The following NAV3 variants were observed in gnomAD, a reference collection of about 807,000 sequenced individuals.
The protein encoded by NAV3 is neuron navigator 3, also known as pore membrane and/or filament interacting like protein 1.
Under a neutral mutation model 244.7 loss-of-function variants are expected in NAV3, and 87 were observed. The ratio of observed to expected loss-of-function variants is 0.36; its 90% CI spans 0.30 to 0.42. NAV3 has a LOEUF of 0.42. Among genes scored for constraint, NAV3 ranks in the 20% least tolerant of loss-of-function variants. The pLI, the probability that NAV3 is intolerant of heterozygous loss-of-function variation, is 1.00. For missense variants in NAV3, 2,663 were observed against 2,893.3 expected, an observed-to-expected ratio of 0.92 and a Z score of 1.83; for synonymous variants, 1,126 against 1,042.2, an observed-to-expected ratio of 1.08 and a Z score of -1.55.
chr12:77,764,598 ATTAC>A (rs553956585), intron 2 of NAV3, among the ~76,000 whole-genome samples: 33 of 152,368 alleles, frequency 2.2e-4, no homozygotes, highest in Non-Finnish European at 3.8e-4. Context: ...AATTTTCTAT[ATTAC>A]TTCATAGGAT....
intron 2 of NAV3, among the ~76,000 whole-genome samples, chr12:77,737,141 A>T (rs955143756): frequency 6.6e-6 from 1 of 150,988 alleles, no homozygotes; most frequent in African/African-American, 2.4e-5. Context: ...TTAAAAAAAA[A>T]ATCTATTAAA....
chr12:77,789,743 G>A lies in NAV3; in HGVS notation c.73-150576G>A, dbSNP rs567201889. Among the ~76,000 whole-genome samples, 8 of 149,722 alleles carry A rather than the reference G, an allele frequency of 5.3e-5. No individual in the cohort carries two copies. In the Admixed American group the frequency reaches 5.4e-4, roughly 10 times the overall value. On this transcript the variant is annotated intron_variant, in intron 2 of 8. Coordinates refer to the NAV3 transcript ENST00000550042. ...GAGAATCACTTGAACCTGGGAGGCGGACGTTGCAGTGAGCTGAGATCGTGC... is the reference window on the plus strand; with the variant it reads ...GAGAATCACTTGAACCTGGGAGGCGAACGTTGCAGTGAGCTGAGATCGTGC...
chr12:77,716,875 T>C (rs1410143253), intron 2 of NAV3, among the ~76,000 whole-genome samples: 2 of 152,058 alleles, frequency 1.3e-5, no homozygotes, highest in Non-Finnish European at 2.9e-5. Flanking sequence ...AAGCAAAAGC[T>C]GTCTGGGAAG....
intron 1 of NAV3, among the ~76,000 whole-genome samples, chr12:77,935,585 C>G (rs1889244561): frequency 2.0e-5 from 3 of 152,178 alleles, no homozygotes; most frequent in Admixed American, 2.0e-4. Context: ...CAATATTTAA[C>G]ATAGTGAAAG....
intron 2 of NAV3, among the ~76,000 whole-genome samples, chr12:77,627,892 T>G (rs1159593169): frequency 6.6e-6 from 1 of 152,182 alleles, no homozygotes; most frequent in African/African-American, 2.4e-5. Flanking sequence ...AAGGTTATTA[T>G]GTTAAGTGAA....
At chr12:78,137,402 A>T (rs2139017282) in intron 19 of NAV3, 37 bp downstream of exon 19, 1 of 1,549,276 alleles carries the variant, frequency 6.5e-7, no homozygotes, top group South Asian at 1.2e-5. Flanking sequence ...AAGTCACTTT[A>T]TTTAAACCCT....
chr12:78,209,929 C>A (rs1960727916), intron 39 of NAV3, among the ~76,000 whole-genome samples: 1 of 152,216 alleles, frequency 6.6e-6, no homozygotes, highest in Admixed American at 6.5e-5. Flanking sequence ...TGTGCAGCAG[C>A]TGGCTTCATT....
At chr12:77,930,381 T>C (rs1281334560) in intron 1 of NAV3, among the ~76,000 whole-genome samples, 1 of 152,158 alleles carries the variant, frequency 6.6e-6, no homozygotes, top group Non-Finnish European at 1.5e-5. Context: ...TCTATAGAGC[T>C]AATAATTGCC....
chr12:77,755,603 C>CCTTCCTTCCT (rs1555201809), intron 2 of NAV3, among the ~76,000 whole-genome samples: 2 of 70,410 alleles, frequency 2.8e-5, no homozygotes, highest in Non-Finnish European at 2.8e-5. Flanking sequence ...CCCTCCCTCC[C>CCTTCCTTCCT]TCCCTCCCTC....
At chr12:78,076,242 T>A (rs775909359) in intron 12 of NAV3, among the ~76,000 whole-genome samples, 4 of 152,190 alleles carry the variant, frequency 2.6e-5, no homozygotes, top group Non-Finnish European at 4.4e-5. Context: ...TGAAATCCCA[T>A]ACTCAACCTG....
intron 2 of NAV3, among the ~76,000 whole-genome samples, chr12:77,822,073 A>T (rs1380908648): frequency 1.3e-5 from 2 of 152,144 alleles, no homozygotes; most frequent in African/African-American, 4.8e-5. Context: ...TTAACATGCA[A>T]TGCCATTCCA....
chr12:77,649,930 A>G lies in NAV3; in HGVS notation c.72+77664A>G, dbSNP rs1467846154. ...GGGTTCCTTCATGAATCATTTAGCC[A>G]GAATAAGCTGAAACAGCAATCTTTT... On this transcript the variant is annotated intron_variant, in intron 2 of 8. Coordinates refer to the NAV3 transcript ENST00000550042. 5.9e-5 allele frequency among the ~76,000 whole-genome samples: 9 copies of G among 152,340 alleles called. No individual in the cohort carries two copies. In the South Asian group the frequency reaches 1.7e-3, roughly 28 times the overall value.
chr12:78,186,271 A>G (rs1958715929), intron 31 of NAV3, among the ~76,000 whole-genome samples: 1 of 152,070 alleles, frequency 6.6e-6, no homozygotes, highest in South Asian at 2.1e-4. Context: ...CTTTCTTAAA[A>G]CAACAACAAA....
intron 12 of NAV3, among the ~76,000 whole-genome samples, chr12:78,083,276 A>G (rs1446171399): frequency 6.6e-6 from 1 of 152,172 alleles, no homozygotes; most frequent in Non-Finnish European, 1.5e-5. Context: ...GTAGGTTGAT[A>G]CATTCATGAG....
At chr12:77,941,739 T>G (rs1889890066) in intron 3 of NAV3, among the ~76,000 whole-genome samples, 1 of 152,150 alleles carries the variant, frequency 6.6e-6, no homozygotes, top group Non-Finnish European at 1.5e-5. Context: ...CAAAGAGTAA[T>G]AAACTATAGA....
Position 78,122,039 on chromosome 12 carries a change from G to A in NAV3, c.3849G>A (p.Ala1283=), listed in dbSNP as rs757488888. ...TGCCCAGCCCTAGTACCACATTAGCGCGGCAAGGCAGTCTGGAGTCACCGT... is the reference window on the plus strand; with the variant it reads ...TGCCCAGCCCTAGTACCACATTAGCACGGCAAGGCAGTCTGGAGTCACCGT... The part of the protein sequence containing the change: ...SVMPSPSTTL[A]RQGSLESPSS... Residue 1283 remains alanine (A), a synonymous_variant, in exon 16 of 40, where the codon GCG becomes GCA. Coordinates refer to ENST00000397909, the MANE Select transcript of NAV3 (RefSeq NM_001024383.2). The A allele has an allele frequency of 7.4e-6, 12 of 1,614,050 alleles. No individual in the cohort carries two copies. Among genetic ancestry groups the A allele is most frequent in the East Asian group, 6.7e-5 (3 of 44,880 alleles).
At chr12:77,951,463 T>A (rs994357705) in intron 3 of NAV3, among the ~76,000 whole-genome samples, 16 of 152,318 alleles carry the variant, frequency 1.1e-4, no homozygotes, top group African/African-American at 3.8e-4. Flanking sequence ...ACTTTTACAC[T>A]GTTGGTGGGA....
At chr12:77,693,891 G>T (rs1190863595) in intron 2 of NAV3, among the ~76,000 whole-genome samples, 1 of 151,944 alleles carries the variant, frequency 6.6e-6, no homozygotes, top group Admixed American at 6.6e-5. Context: ...ACATCTGCCT[G>T]TGTTTACAAT....
intron 1 of NAV3, among the ~76,000 whole-genome samples, chr12:77,917,411 A>G (rs1887255533): frequency 6.6e-6 from 1 of 152,048 alleles, no homozygotes; most frequent in Non-Finnish European, 1.5e-5. Flanking sequence ...CTTTTAAAAA[A>G]CACCATGTAA....
Sources: gnomAD v4.1 joint callset for allele counts (sites outside exome capture counted in the v4.1 genomes callset) on GRCh38, gnomAD v4.1.1 for gene constraint, MANE v1.5 for transcripts, NCBI Gene and HGNC (gene_info 2026-07-23, HGNC 2026-07-21) for gene names.